The following DDB2 variants were observed in gnomAD, a reference collection of about 807,000 sequenced individuals.
The protein encoded by DDB2 is damage specific DNA binding protein 2.
Under a neutral mutation model 50.5 loss-of-function variants are expected in DDB2, and 27 were observed. That is an observed-to-expected ratio of 0.53 (90% CI 0.39 to 0.74). The LOEUF (loss-of-function observed/expected upper bound fraction) is 0.74, where lower values mean the gene tolerates loss of function less well. Among genes scored for constraint, DDB2 ranks in the 30% least tolerant of loss-of-function variants. The probability of loss-of-function intolerance (pLI) is 0.00; values close to 1 mark genes in which losing one functional copy is unlikely to be tolerated. For synonymous variants in DDB2, 176 were observed against 205.5 expected, an observed-to-expected ratio of 0.86 and a Z score of 1.23; for missense variants, 424 against 545.6, an observed-to-expected ratio of 0.78 and a Z score of 2.22.
chr11:47,232,298 C>T (rs1200564297), intron 3 of DDB2, among the ~76,000 whole-genome samples: 2 of 150,336 alleles, frequency 1.3e-5, no homozygotes, highest in East Asian at 2.0e-4. Context: ...GAGCCGAGGT[C>T]GTGACAGAGC....
At chr11:47,214,700 G>T (rs1432344754), upstream of DDB2, 3 of 266,134 alleles carry the variant, frequency 1.1e-5, no homozygotes, top group Non-Finnish European at 2.2e-5. Flanking sequence ...GAGCCCAGGA[G>T]GTGGAGGCTG....
At chr11:47,219,137 G>A (rs887574253) in intron 3 of DDB2, among the ~76,000 whole-genome samples, 1 of 152,114 alleles carries the variant, frequency 6.6e-6, no homozygotes, top group Admixed American at 6.6e-5. Flanking sequence ...TAGAGATGGG[G>A]TTTCACCGTG....
intron 1 of DDB2, chr11:47,215,831 G>A: frequency 3.7e-6 from 1 of 269,414 alleles, no homozygotes; most frequent in South Asian, 3.8e-5. Context: ...TGGTGATCAG[G>A]AGTTGTTGCT....
chr11:47,237,358 C>T (rs925630868), intron 7 of DDB2, among the ~76,000 whole-genome samples: 1 of 152,090 alleles, frequency 6.6e-6, no homozygotes, highest in Non-Finnish European at 1.5e-5. Flanking sequence ...GAGGCACACA[C>T]AACCTAAAAC....
At chr11:47,215,344 C>T in intron 1 of DDB2, 81 bp downstream of exon 1, 1 of 1,603,190 alleles carries the variant, frequency 6.2e-7, no homozygotes, top group South Asian at 1.1e-5. Context: ...ATGGGTGCTC[C>T]GAGGCTCCCG....
chr11:47,225,241 G>A (rs1169524974), intron 3 of DDB2, among the ~76,000 whole-genome samples: 3 of 133,022 alleles, frequency 2.3e-5, no homozygotes, highest in East Asian at 2.2e-4. Context: ...CTCCTGGCCC[G>A]ATCCTGTGTC....
chr11:47,231,049 G>A (rs1452171837), intron 3 of DDB2, among the ~76,000 whole-genome samples: 1 of 149,374 alleles, frequency 6.7e-6, no homozygotes, highest in Non-Finnish European at 1.5e-5. Flanking sequence ...GAATCCAGGA[G>A]GTGGAGGCTG....
intron 6 of DDB2, 86 bp from the exon 7 acceptor site, chr11:47,235,184 G>GAGT (rs1436721630): frequency 3.8e-6 from 6 of 1,565,456 alleles, no homozygotes; most frequent in Non-Finnish European, 5.3e-6. Flanking sequence ...GTGGGAGGGA[G>GAGT]AGTACCCCTG....
At chr11:47,231,083 G>T (rs1264250617) in intron 3 of DDB2, among the ~76,000 whole-genome samples, 2 of 121,628 alleles carry the variant, frequency 1.6e-5, no homozygotes, top group Non-Finnish European at 3.1e-5. Flanking sequence ...TTGTGCCACC[G>T]CACTTCAGCC....
chr11:47,229,568 T>C (rs938211454), intron 3 of DDB2, among the ~76,000 whole-genome samples: 3 of 152,070 alleles, frequency 2.0e-5, no homozygotes, highest in African/African-American at 7.2e-5. Flanking sequence ...TAATCAAATA[T>C]GTAAGTATAT....
intron 3 of DDB2, among the ~76,000 whole-genome samples, chr11:47,228,978 TATC>T (rs1015665445): frequency 4.8e-4 from 2 of 4,156 alleles, no homozygotes; most frequent in African/African-American, 1.3e-3. Flanking sequence ...AAAAAAGAAA[TATC>T]TATCTATCTA....
intron 3 of DDB2, among the ~76,000 whole-genome samples, chr11:47,221,156 C>T (rs1953479413): frequency 6.6e-6 from 1 of 151,898 alleles, no homozygotes; most frequent in Admixed American, 6.6e-5. Flanking sequence ...CAGTGAGACT[C>T]CATCTCTCAA....
intron 2 of DDB2, 48 bp from the exon 3 acceptor site, chr11:47,216,810 C>T (rs1354933538): frequency 6.3e-7 from 1 of 1,594,982 alleles, no homozygotes; most frequent in Non-Finnish European, 8.6e-7. Context: ...GGCAGTTTAC[C>T]CAGAACTTGG....
chr11:47,236,705 T>C (rs375446400), intron 7 of DDB2, among the ~76,000 whole-genome samples: 1 of 152,238 alleles, frequency 6.6e-6, no homozygotes, highest in East Asian at 1.9e-4. Context: ...ATTCAATAAA[T>C]GATGATTGAA....
chr11:47,214,546 G>C (rs1341436852), upstream of DDB2: 1 of 156,936 alleles, frequency 6.4e-6, no homozygotes, highest in African/African-American at 2.4e-5. Flanking sequence ...AAGCCCAGGA[G>C]TTAAAGACCG....
At chr11:47,219,946 C>T (rs1004771975) in intron 3 of DDB2, among the ~76,000 whole-genome samples, 2 of 152,162 alleles carry the variant, frequency 1.3e-5, no homozygotes, top group African/African-American at 2.4e-5. Flanking sequence ...CGCCACCACA[C>T]CCGGCTACTT....
chr11:47,238,829 GAA>G lies in DDB2; in HGVS notation c.1265_1266del (p.Glu422GlyfsTer63). ...CCACATTCTCATCTGGAGCCAGGAGGAAGCCAGGACACGGAAGTGAGAGACAC... is the reference window on the plus strand; with the variant it reads ...CCACATTCTCATCTGGAGCCAGGAGGGCCAGGACACGGAAGTGAGAGACAC... ...GYHILIWSQE[E>X]ARTRK On this transcript the variant is annotated frameshift_variant, in exon 10 of 10. Coordinates refer to ENST00000256996, the MANE Select transcript of DDB2 (RefSeq NM_000107.3). LOFTEE classifies it high-confidence loss of function. 1 of 1,613,734 alleles carries G rather than the reference GAA, an allele frequency of 6.2e-7. No individual in the cohort carries two copies.
At chr11:47,217,847 C>T (rs774493775) in intron 3 of DDB2, among the ~76,000 whole-genome samples, 9 of 152,062 alleles carry the variant, frequency 5.9e-5, no homozygotes, top group African/African-American at 2.2e-4. Context: ...GCCGAAATCA[C>T]GCCACTGCAC....
At chr11:47,230,366 A>G (rs1318793178) in intron 3 of DDB2, among the ~76,000 whole-genome samples, 1 of 152,144 alleles carries the variant, frequency 6.6e-6, no homozygotes, top group Non-Finnish European at 1.5e-5. Context: ...AATAGCTATT[A>G]TTTTTGCAAC....
Sources: allele counts gnomAD v4.1 joint callset (sites outside exome capture counted in the v4.1 genomes callset), GRCh38; gene constraint gnomAD v4.1.1; transcripts MANE v1.5; gene names NCBI Gene and HGNC (gene_info 2026-07-23, HGNC 2026-07-21).